VPS8: variants seen among roughly 807,000 people sequenced by gnomAD.
VPS8 encodes vacuolar protein sorting-associated protein 8 homolog.
VPS8 carries 129 observed loss-of-function variants against 216.4 expected under a neutral mutation model. The observed-to-expected ratio is 0.60, with a 90% confidence interval of 0.52 to 0.69. VPS8 has a LOEUF of 0.69. Among genes scored for constraint, VPS8 ranks in the 30% least tolerant of loss-of-function variants. The pLI is 0.00. For synonymous variants in VPS8, 571 were observed against 565.4 expected (o/e 1.01, Z -0.14); for missense variants, 1,531 against 1,683.5 (o/e 0.91, Z 1.59).
At chr3:184,871,125 C>T (rs529315961) in intron 21 of VPS8, among the ~76,000 whole-genome samples, 100 of 151,744 alleles carry the variant, frequency 6.6e-4, no homozygotes, top group Non-Finnish European at 1.0e-3. Flanking sequence ...TTATGTTAAC[C>T]AGGTTATTTA....
chr3:184,852,566 A>G lies in VPS8; in HGVS notation c.820A>G (p.Lys274Glu). 1 of 1,613,286 alleles carries G rather than the reference A, an allele frequency of 6.2e-7. No homozygotes were observed. Among genetic ancestry groups the G allele is most frequent in the Non-Finnish European group, 8.5e-7 (1 of 1,179,522 alleles). ...SGGSVFELTF[K>E]RVMGVRTCES... is the part of the protein sequence containing the mutation. Reference sequence around the variant, plus strand: ...AGGCTCTGTTTTTGAATTGACATTTAAGTAAGAGACTAGTGGACATTTGTT... The same window carrying G: ...AGGCTCTGTTTTTGAATTGACATTTGAGTAAGAGACTAGTGGACATTTGTT... Residue 274 changes from lysine (K) to glutamate (E), a missense_variant and splice_region_variant, in exon 11 of 48, where the codon AAG becomes GAG. This residue lies in a region of VPS8 where 1,318 missense variants were observed against 1,468.4 expected (regional missense o/e 0.90). Coordinates refer to ENST00000625842, the MANE Select transcript of VPS8 (RefSeq NM_001009921.3).
intron 43 of VPS8, among the ~76,000 whole-genome samples, chr3:184,994,526 T>TAC (rs200595488): frequency 6.6e-6 from 1 of 151,620 alleles, no homozygotes. Flanking sequence ...TTAATTTGTG[T>TAC]ACACACACAC....
chr3:184,941,616 C>A (rs924363282), intron 36 of VPS8, among the ~76,000 whole-genome samples: 3 of 151,826 alleles, frequency 2.0e-5, no homozygotes, highest in Non-Finnish European at 4.4e-5. Context: ...GAGGATGGAG[C>A]TCAGGGGAGG....
chr3:184,905,596 C>T (rs1735347115), intron 25 of VPS8, among the ~76,000 whole-genome samples: 1 of 145,836 alleles, frequency 6.9e-6, no homozygotes, highest in Admixed American at 6.9e-5. Flanking sequence ...GGGTTAGAAG[C>T]TCTTTAGGTA....
intron 45 of VPS8, among the ~76,000 whole-genome samples, chr3:185,009,861 A>C (rs1389618205): frequency 1.3e-5 from 2 of 151,912 alleles, no homozygotes; most frequent in Non-Finnish European, 2.9e-5. Context: ...TAGAGTTTGC[A>C]GGGTGGAGTA....
chr3:185,032,946 C>T (rs916538657), intron 46 of VPS8, among the ~76,000 whole-genome samples: 3 of 152,174 alleles, frequency 2.0e-5, no homozygotes, highest in Admixed American at 6.5e-5. Context: ...GGATTACAGG[C>T]GTGAGCCACC....
At chr3:185,047,319 A>G (rs1561267145) in intron 46 of VPS8, among the ~76,000 whole-genome samples, 1 of 152,204 alleles carries the variant, frequency 6.6e-6, no homozygotes, top group Non-Finnish European at 1.5e-5. Context: ...GAATCTTCAT[A>G]GCCACTTTAT....
chr3:185,016,374 A>G (rs910626802), intron 45 of VPS8, among the ~76,000 whole-genome samples: 2 of 152,226 alleles, frequency 1.3e-5, no homozygotes, highest in South Asian at 4.1e-4. Flanking sequence ...GGCAGCACAA[A>G]GTATATATCC....
intron 10 of VPS8, among the ~76,000 whole-genome samples, chr3:184,852,185 A>G (rs1429016682): frequency 3.9e-5 from 6 of 152,188 alleles, no homozygotes; most frequent in African/African-American, 1.4e-4. Flanking sequence ...ATAGCAAGTT[A>G]CAAAAAGTTA....
chr3:184,959,928 T>C (rs945154741), intron 37 of VPS8, among the ~76,000 whole-genome samples: 2 of 152,132 alleles, frequency 1.3e-5, no homozygotes, highest in Non-Finnish European at 2.9e-5. Flanking sequence ...CATGTTGGTG[T>C]GCTGCACCCA....
chr3:184,974,302 C>T (rs577715303), intron 40 of VPS8, among the ~76,000 whole-genome samples: 7 of 152,124 alleles, frequency 4.6e-5, no homozygotes, highest in South Asian at 4.1e-4. Context: ...TGGTTACCGA[C>T]GTTGGAAGAT....
At chr3:184,860,988 A>G (rs1234546213) in intron 15 of VPS8, among the ~76,000 whole-genome samples, 1 of 151,764 alleles carries the variant, frequency 6.6e-6, no homozygotes, top group Non-Finnish European at 1.5e-5. Context: ...ACGCCTGGCT[A>G]ATTTTTTGTA....
At chr3:184,816,197 T>C (rs1224616921) in intron 1 of VPS8, 1 of 152,232 alleles carries the variant, frequency 6.6e-6, no homozygotes, top group Non-Finnish European at 1.5e-5. Flanking sequence ...CATATTGATA[T>C]AAAACTGATC....
intron 46 of VPS8, among the ~76,000 whole-genome samples, chr3:185,026,928 C>G (rs1313263508): frequency 2.6e-5 from 4 of 151,898 alleles, no homozygotes; most frequent in Non-Finnish European, 4.4e-5. Context: ...CCATGATGGT[C>G]TCAATCTCCT....
At position 185,020,755 on chromosome 3, in the gene VPS8, T is replaced by C. The variant is rs1490463884; in HGVS notation, c.4003-3581T>C. Among the ~76,000 whole-genome samples, 2 of 152,172 alleles carry C rather than the reference T, an allele frequency of 1.3e-5. 1 individual carries two copies. The highest frequency in any genetic ancestry group is 1.3e-4 in the Admixed American group (2 of 15,280). On this transcript the variant is annotated intron_variant, in intron 45 of 47. Coordinates refer to ENST00000625842, the MANE Select transcript of VPS8 (RefSeq NM_001009921.3). Reference sequence around the variant, plus strand: ...AATTGCTGGTATTACAGGTATAAGATACCATTCCTAGCCCTATTTTAACAA... The same window carrying C: ...AATTGCTGGTATTACAGGTATAAGACACCATTCCTAGCCCTATTTTAACAA...
At chr3:184,881,163 T>G (rs1005315393) in intron 21 of VPS8, among the ~76,000 whole-genome samples, 1 of 152,198 alleles carries the variant, frequency 6.6e-6, no homozygotes, top group East Asian at 1.9e-4. Flanking sequence ...AAATCCAATT[T>G]ATCAGCTTTT....
Position 184,850,067 on chromosome 3 carries a change from T to G in VPS8, c.753+45T>G, listed in dbSNP as rs1196115507. On this transcript the variant is annotated intron_variant, in intron 10 of 47. Coordinates refer to ENST00000625842, the MANE Select transcript of VPS8 (RefSeq NM_001009921.3). ...TTCCTAATAATTTTTTTATTATGCC[T>G]TTGTGTTTATTTTAAAGTAAATTTC... The G allele has an allele frequency of 6.1e-6, 9 of 1,485,086 alleles. No homozygotes were observed. The African/African-American group carries it at 1.3e-4, about 21-fold the overall frequency. 92.0% of individuals were successfully genotyped at this position (1,485,086 alleles called of 1,614,324 possible).
chr3:184,989,630 T>G (rs537911962), intron 42 of VPS8, among the ~76,000 whole-genome samples: 1 of 152,214 alleles, frequency 6.6e-6, no homozygotes, highest in Non-Finnish European at 1.5e-5. Flanking sequence ...TTGGTTGTTA[T>G]GTATAATTCT....
rs186496022 is a variant in VPS8, at chr3:184,989,467, C to T, written c.3586-4516C>T. ...TTTTTTGTGGAGAATGGGGTCTCAC[C>T]GTGTTGCCCAAGCAGGTCTCACCCT... is the stretch of plus-strand genomic sequence containing the variant. On this transcript the variant is annotated intron_variant, in intron 42 of 47. Coordinates refer to ENST00000625842, the MANE Select transcript of VPS8 (RefSeq NM_001009921.3). Among the ~76,000 whole-genome samples, 127 of 151,626 alleles carry T rather than the reference C, an allele frequency of 8.4e-4. 3 individuals carry two copies. The Middle Eastern group carries it at 0.014, about 16-fold the overall frequency.
Sources: gnomAD v4.1 joint callset for allele counts (sites outside exome capture counted in the v4.1 genomes callset) on GRCh38, gnomAD v4.1.1 for gene constraint, gnomAD v4.1.1 regional missense constraint, MANE v1.5 for transcripts, NCBI Gene and HGNC (gene_info 2026-07-23, HGNC 2026-07-21) for gene names.